ABCE1: variants seen among roughly 807,000 people sequenced by gnomAD.
ABCE1 encodes the protein ATP-binding cassette sub-family E member 1.
Under a neutral mutation model 83.4 loss-of-function variants are expected in ABCE1, and 22 were observed. The ratio of observed to expected loss-of-function variants is 0.26; its 90% CI spans 0.19 to 0.38. The LOEUF (loss-of-function observed/expected upper bound fraction) is 0.38. Ranked by LOEUF, ABCE1 falls within the 10% of genes least tolerant of loss-of-function variation. ABCE1 has a pLI of 1.00. For missense variants in ABCE1, 330 were observed against 721.9 expected (o/e 0.46, Z 6.22); for synonymous variants, 204 against 233.7 (o/e 0.87, Z 1.16).
chr4:145,121,100 C>A, intron 11 of ABCE1, 74 bp from the exon 12 acceptor site: 1 of 1,477,210 alleles, frequency 6.8e-7, no homozygotes, highest in Non-Finnish European at 9.4e-7. Context: ...TCAGTTAAAA[C>A]CAAATAGGAC....
At chr4:145,118,431 T>C (rs1201092768) in intron 10 of ABCE1, among the ~76,000 whole-genome samples, 2 of 151,806 alleles carry the variant, frequency 1.3e-5, no homozygotes, top group East Asian at 1.9e-4. Context: ...TACCTACTTA[T>C]ACATTTGAGA....
intron 17 of ABCE1, among the ~76,000 whole-genome samples, chr4:145,126,115 A>G (rs1214227299): frequency 2.0e-5 from 3 of 152,076 alleles, no homozygotes; most frequent in African/African-American, 7.2e-5. Flanking sequence ...TGAGGAAAAC[A>G]TTGTGTCTAC....
At chr4:145,109,304 T>TG (rs1458180016) in intron 5 of ABCE1, 55 bp downstream of exon 5, 2 of 997,378 alleles carry the variant, frequency 2.0e-6, no homozygotes, top group South Asian at 1.8e-5. Flanking sequence ...TATGAGATTT[T>TG]GGGGGGATGA....
intron 16 of ABCE1, chr4:145,123,817 G>A (rs1357786532): frequency 2.9e-6 from 1 of 348,162 alleles, no homozygotes; most frequent in Non-Finnish European, 5.3e-6. Context: ...ATAAAAAGCT[G>A]TAGGCCACAG....
rs773340939 is a variant in ABCE1 at position 145,110,396 on chromosome 4, G to T, written c.565G>T (p.Asp189Tyr). 1.2e-6 allele frequency: 2 copies of T among 1,612,362 alleles called. No individual in the cohort carries two copies. The highest frequency in any genetic ancestry group is 1.7e-6 in the Non-Finnish European group (2 of 1,179,944). The change falls in exon 7 of 18, where the codon GAC (aspartate) becomes TAC (tyrosine). Residue 189 changes from aspartate to tyrosine, a missense_variant. Coordinates refer to ENST00000296577, the MANE Select transcript of ABCE1 (RefSeq NM_002940.3). ...AAKGTVGSIL[D>Y]RKDETKTQAI... ...GCAGGGGACAGTGGGATCTATTTTG[G>T]ACCGAAAAGATGAAACAAAGACACA...
chr4:145,100,595 G>A (rs868147060), intron 1 of ABCE1, among the ~76,000 whole-genome samples: 7 of 150,754 alleles, frequency 4.6e-5, no homozygotes, highest in South Asian at 2.1e-4. Context: ...GTCATTTCCC[G>A]AATAATAGCT....
At chr4:145,121,276 GTAAACTT>G in intron 12 of ABCE1, 43 bp downstream of exon 12, 1 of 1,612,004 alleles carries the variant, frequency 6.2e-7, no homozygotes, top group Non-Finnish European at 8.5e-7. Flanking sequence ...GTTTTACACA[GTAAACTT>G]TAAAGATCTG....
intron 9 of ABCE1, among the ~76,000 whole-genome samples, chr4:145,115,846 T>C (rs1749594954): frequency 6.6e-6 from 1 of 151,946 alleles, no homozygotes; most frequent in Admixed American, 6.6e-5. Context: ...TTTAGGTGTC[T>C]GTTAGTACAC....
At chr4:145,100,507 G>A (rs1260897680) in intron 1 of ABCE1, among the ~76,000 whole-genome samples, 1 of 152,204 alleles carries the variant, frequency 6.6e-6, no homozygotes, top group East Asian at 1.9e-4. Flanking sequence ...ATTGTAGAAA[G>A]GCATTCAGTA....
intron 9 of ABCE1, among the ~76,000 whole-genome samples, chr4:145,114,278 C>T (rs1749555642): frequency 6.6e-6 from 1 of 152,094 alleles, no homozygotes; most frequent in South Asian, 2.1e-4. Context: ...AAAATACACA[C>T]TGTGGTAAAG....
At chr4:145,109,377 T>A in intron 5 of ABCE1, 128 bp downstream of exon 5, 1 of 538,594 alleles carries the variant, frequency 1.9e-6, no homozygotes, top group Non-Finnish European at 3.1e-6. Flanking sequence ...CTGAGAAATT[T>A]ATAAACAAAG....
rs368450224 is a variant in ABCE1, at chr4:145,127,597, G to A, written c.*24G>A. On this transcript the variant is annotated 3_prime_UTR_variant, in exon 18 of 18. Coordinates refer to ENST00000296577, the MANE Select transcript of ABCE1 (RefSeq NM_002940.3). Reference sequence around the variant, plus strand: ...AGACTGACTCTGAGAATATTGATAAGCCATTTATTAAAAGGAGTATTTACT... The same window carrying A: ...AGACTGACTCTGAGAATATTGATAAACCATTTATTAAAAGGAGTATTTACT... 2.0e-6 allele frequency: 3 copies of A among 1,522,956 alleles called. No homozygotes were observed. Among genetic ancestry groups the A allele is most frequent in the Non-Finnish European group, 2.6e-6 (3 of 1,142,438 alleles). The allele number at this position is 1,522,956 out of a possible 1,614,324, so 94.3% of individuals were successfully genotyped here. A position where few individuals can be genotyped will look rare whatever the true frequency, so the allele number is the denominator to read the frequency against.
Position 145,111,077 on chromosome 4 carries a change from A to G in ABCE1, c.710+13A>G, listed in dbSNP as rs765603452. 1.3e-6 allele frequency: 2 copies of G among 1,593,704 alleles called. No individual in the cohort carries two copies. The highest frequency in any genetic ancestry group is 1.7e-6 in the Non-Finnish European group (2 of 1,167,062). On this transcript the variant is annotated intron_variant, in intron 8 of 17. Coordinates refer to ENST00000296577, the MANE Select transcript of ABCE1 (RefSeq NM_002940.3). ...AGAAAGCTGATATGTAGGTTACTTT[A>G]CAATTTTTGTTTATCTTCATCCGTA...
Position 145,111,161 on chromosome 4 carries a change from A to C in ABCE1, c.710+97A>C, listed in dbSNP as rs1027197086. ...AGGAATGGTTTTGAGAGAAATTAAT[A>C]GAAATAGTATCTAAGTTCCTAATTT... On this transcript the variant is annotated intron_variant, in intron 8 of 17. Transcript: ENST00000296577. The C allele has an allele frequency of 1.4e-5, 11 of 763,424 alleles. No homozygotes were observed. In the South Asian group the frequency reaches 2.3e-4, roughly 16 times the overall value. 47.3% of individuals were successfully genotyped at this position (763,424 alleles called of 1,614,324 possible). A position where few individuals can be genotyped will look rare whatever the true frequency, so the allele number is the denominator to read the frequency against.
Position 145,115,806 on chromosome 4 carries a change from A to C in ABCE1, c.801-1487A>C, listed in dbSNP as rs193228420. ...TATCTTCCTCATTTCCAATTAGTTC[A>C]TACTCTTCATTTTGTCATTCAACAA... On this transcript the variant is annotated intron_variant, in intron 9 of 17. Transcript: ENST00000296577. Among the ~76,000 whole-genome samples the C allele has an allele frequency of 2.6e-5, 4 of 152,048 alleles. No individual in the cohort carries two copies. The East Asian group carries it at 7.7e-4, about 29-fold the overall frequency.
intron 9 of ABCE1, among the ~76,000 whole-genome samples, chr4:145,116,210 TAGAA>T (rs1468741604): frequency 6.6e-6 from 1 of 151,866 alleles, no homozygotes; most frequent in East Asian, 1.9e-4. Context: ...TATGAGCTAA[TAGAA>T]AGATAGTAAC....
chr4:145,114,916 G>T (rs1749572907), intron 9 of ABCE1, among the ~76,000 whole-genome samples: 1 of 151,956 alleles, frequency 6.6e-6, no homozygotes, highest in African/African-American at 2.4e-5. Flanking sequence ...AATTTGATGG[G>T]TCAAGGCATA....
At chr4:145,117,528 A>G (rs1749636693) in intron 10 of ABCE1, 114 bp downstream of exon 10, 2 of 910,170 alleles carry the variant, frequency 2.2e-6, no homozygotes, top group South Asian at 2.7e-5. Flanking sequence ...CCAAAACTCT[A>G]GTTCCTTGGA....
intron 5 of ABCE1, 107 bp downstream of exon 5, chr4:145,109,356 T>C: frequency 1.7e-6 from 1 of 600,548 alleles, no homozygotes; most frequent in Non-Finnish European, 2.7e-6. Context: ...AAATTATTTA[T>C]GGAATTAATG....
Sources: allele counts gnomAD v4.1 joint callset (sites outside exome capture counted in the v4.1 genomes callset), GRCh38; gene constraint gnomAD v4.1.1; transcripts MANE v1.5; gene names NCBI Gene and HGNC (gene_info 2026-07-23, HGNC 2026-07-21).